PIK3R4: variants seen among roughly 807,000 people sequenced by gnomAD.
The protein encoded by PIK3R4 is phosphoinositide-3-kinase regulatory subunit 4, also known as phosphoinositide 3-kinase regulatory subunit 4.
In PIK3R4, 46 loss-of-function variants were observed where a neutral mutation model predicts 136.5. The ratio of observed to expected loss-of-function variants is 0.34; its 90% CI spans 0.27 to 0.43. The LOEUF is 0.43. PIK3R4 is among the 20% of genes least tolerant of loss of function. The pLI, the probability that PIK3R4 is intolerant of heterozygous loss-of-function variation, is 1.00. For synonymous variants in PIK3R4, 557 were observed against 566.7 expected, an observed-to-expected ratio of 0.98 and a Z score of 0.24; for missense variants, 1,331 against 1,649.5, an observed-to-expected ratio of 0.81 and a Z score of 3.35.
chr3:130,728,311 T>C (rs368685968), intron 6 of PIK3R4, 152 bp downstream of exon 6: 37 of 595,896 alleles, frequency 6.2e-5, no homozygotes, highest in East Asian at 3.5e-4. Context: ...CCAAAATACT[T>C]ACATCATCCA....
intron 6 of PIK3R4, among the ~76,000 whole-genome samples, chr3:130,725,045 ATTATG>A (rs542129404): frequency 2.6e-5 from 4 of 152,056 alleles, no homozygotes; most frequent in South Asian, 2.1e-4. Flanking sequence ...TGATTAAAAA[ATTATG>A]TTATAATTGT....
At chr3:130,729,051 A>T (rs1236160681) in intron 5 of PIK3R4, among the ~76,000 whole-genome samples, 2 of 152,236 alleles carry the variant, frequency 1.3e-5, no homozygotes. Flanking sequence ...GAATAGGATT[A>T]GGATATAATA....
In PIK3R4 at chr3:130,739,178, G is replaced by A. The variant is rs190600087; in HGVS notation, c.734-3176C>T. Among the ~76,000 whole-genome samples the A allele has an allele frequency of 9.0e-3, 1,369 of 152,294 alleles. 19 individuals carry two copies. Among genetic ancestry groups the A allele is most frequent in the East Asian group, 0.052 (272 of 5,190 alleles). On this transcript the variant is annotated intron_variant, in intron 2 of 19. Transcript: ENST00000356763. ...TGCAAGCTCCGCCTCCCTGGTTCAC[G>A]CCATTCTCCTGCCTCAGCCTCCCGA...
At chr3:130,680,912 CCATCAGTATCTATAATAACAGCTTG>C in intron 18 of PIK3R4, 40 bp downstream of exon 18, 1 of 835,572 alleles carries the variant, frequency 1.2e-6, no homozygotes, top group Non-Finnish European at 2.0e-6. Flanking sequence ...CATTACAGTG[CCATCAGTATCTATAATAACAGCTTG>C]TAAAAGTATC....
intron 7 of PIK3R4, among the ~76,000 whole-genome samples, chr3:130,719,493 G>A (rs949592704): frequency 6.6e-6 from 1 of 152,052 alleles, no homozygotes; most frequent in Non-Finnish European, 1.5e-5. Context: ...CCAAGGTCTC[G>A]CATTTCTAAT....
At chr3:130,706,922 G>A (rs1197996073) in intron 11 of PIK3R4, 26 bp downstream of exon 11, 1 of 1,566,752 alleles carries the variant, frequency 6.4e-7, no homozygotes, top group African/African-American at 1.4e-5. Context: ...GACATTAGGA[G>A]GACTACTGAC....
chr3:130,738,875 C>T (rs1178100664), intron 2 of PIK3R4, among the ~76,000 whole-genome samples: 1 of 151,952 alleles, frequency 6.6e-6, no homozygotes, highest in Non-Finnish European at 1.5e-5. Context: ...ATAAATGGGG[C>T]AAAACAGAGG....
rs139814973 is a variant in PIK3R4 at position 130,690,711 on chromosome 3, T to C, written c.3099-57A>G. The C allele has an allele frequency of 1.3e-3, 1,461 of 1,084,322 alleles. 16 individuals carry two copies. The African/African-American group carries it at 0.021, about 15-fold the overall frequency. The allele number at this position is 1,084,322 out of a possible 1,614,324, so 67.2% of individuals were successfully genotyped here. A position where few individuals can be genotyped will look rare whatever the true frequency, so the allele number is the denominator to read the frequency against. ...AACCAATGTCACTGCTAATGTTAAA[T>C]ATCCACATGGCCATTAGCAAGCAAA... is the stretch of plus-strand genomic sequence containing the variant. On this transcript the variant is annotated intron_variant, in intron 13 of 19. Coordinates refer to ENST00000356763, the MANE Select transcript of PIK3R4 (RefSeq NM_014602.3).
chr3:130,708,812 G>C (rs1277785713), intron 9 of PIK3R4, among the ~76,000 whole-genome samples: 2 of 152,052 alleles, frequency 1.3e-5, no homozygotes, highest in African/African-American at 4.8e-5. Flanking sequence ...ATATCTAGTA[G>C]TATTTAAAAT....
intron 8 of PIK3R4, 29 bp downstream of exon 8, chr3:130,718,360 A>G (rs1030472838): frequency 6.9e-6 from 11 of 1,593,290 alleles, no homozygotes; most frequent in Non-Finnish European, 9.4e-6. Flanking sequence ...TTTGGAGGAA[A>G]GACTGACTCC....
At position 130,705,660 on chromosome 3, in the gene PIK3R4, G is replaced by T. The variant is rs1291884802; in HGVS notation, c.2833C>A (p.Gln945Lys). ...IRITTCKTEL[Q>K]QLIQQKREQC... The stretch of plus-strand genomic sequence containing the variant: ...TCCCGCTTTTGCTGGATGAGTTGCT[G>T]AAGTTCAGTTTTACAAGTTGTAATT... The change falls in exon 12 of 20, where the codon CAG becomes AAG. Residue 945 changes from glutamine to lysine, a missense_variant. Gln to Lys is a moderately conservative substitution (Grantham distance 53). Around this residue, in one of 2 missense-constraint regions of PIK3R4, gnomAD observed 1,180 missense variants for 1,407.0 expected, o/e 0.84. Coordinates refer to ENST00000356763, the MANE Select transcript of PIK3R4 (RefSeq NM_014602.3). 5 of 1,613,140 alleles carry T rather than the reference G, an allele frequency of 3.1e-6. No individual in the cohort carries two copies. The highest frequency in any genetic ancestry group is 4.2e-6 in the Non-Finnish European group (5 of 1,179,118).
intron 3 of PIK3R4, among the ~76,000 whole-genome samples, chr3:130,735,190 T>A (rs1353204411): frequency 6.6e-6 from 1 of 152,136 alleles, no homozygotes; most frequent in Non-Finnish European, 1.5e-5. Flanking sequence ...TTAAGAGAAA[T>A]TAAAATGTAT....
Position 130,690,513 on chromosome 3 carries a change from A to G in PIK3R4, c.3240T>C (p.Pro1080=), listed in dbSNP as rs760798247. ...GIEASKLPKS[P]KIHPLQSRIL... ...ACCTGCTTTGTAGAGGATGGATTTT[A>G]GGAGACTTGGGCAGCTTAGAAGCCT... The change falls in exon 14 of 20, where the codon CCT becomes CCC. Residue 1080 remains proline (P), a synonymous_variant. Transcript: ENST00000356763. The G allele has an allele frequency of 3.7e-6, 6 of 1,613,108 alleles. No individual in the cohort carries two copies. The highest frequency in any genetic ancestry group is 1.7e-6 in the Non-Finnish European group (2 of 1,179,452).
At chr3:130,739,211 G>A (rs1054541772) in intron 2 of PIK3R4, among the ~76,000 whole-genome samples, 2 of 152,170 alleles carry the variant, frequency 1.3e-5, no homozygotes, top group African/African-American at 4.8e-5. Context: ...CGAGTAGCTG[G>A]GACTACAGGC....
intron 14 of PIK3R4, among the ~76,000 whole-genome samples, chr3:130,686,816 A>G (rs1370179728): frequency 1.3e-5 from 2 of 152,162 alleles, no homozygotes; most frequent in African/African-American, 2.4e-5. Context: ...ATTTCTTCCA[A>G]TCTGTGACAG....
rs1037348808 is a variant in PIK3R4 at position 130,723,529 on chromosome 3, T to C, written c.1866A>G (p.Gln622=). Reference sequence around the variant, plus strand: ...CAAATTCCTCAGCATCACTAAGACCTTGTTGCAGCAGAGGCTTGAGAATTG... The same window carrying C: ...CAAATTCCTCAGCATCACTAAGACCCTGTTGCAGCAGAGGCTTGAGAATTG... ...SSSILKPLLQ[Q]GLSDAEEFVI... Residue 622 remains glutamine, a synonymous_variant, in exon 7 of 20, where the codon CAA becomes CAG. Coordinates refer to ENST00000356763, the MANE Select transcript of PIK3R4 (RefSeq NM_014602.3). 5 of 1,613,942 alleles carry C rather than the reference T, an allele frequency of 3.1e-6. No individual in the cohort carries two copies. The African/African-American group carries it at 6.7e-5, about 22-fold the overall frequency.
At chr3:130,691,637 G>A (rs911423508) in intron 13 of PIK3R4, among the ~76,000 whole-genome samples, 4 of 151,892 alleles carry the variant, frequency 2.6e-5, no homozygotes, top group Admixed American at 6.6e-5. Context: ...CCTGAACACC[G>A]AACACATTCA....
chr3:130,744,610 A>T lies in PIK3R4; in HGVS notation c.609T>A (p.Val203=), dbSNP rs2066842680. 1.2e-6 allele frequency: 2 copies of T among 1,614,126 alleles called. No homozygotes were observed. The highest frequency in any genetic ancestry group is 2.7e-5 in the African/African-American group (2 of 74,932). ...RTCYIAPERF[V]DGGMFATELE... is the part of the protein sequence containing the mutation. ...ACTCAGTGGCAAACATCCCACCATCAACAAAACGTTCAGGAGCAATATAGC... is the reference window on the plus strand; with the variant it reads ...ACTCAGTGGCAAACATCCCACCATCTACAAAACGTTCAGGAGCAATATAGC... The change falls in exon 2 of 20, where the codon GTT becomes GTA. Residue 203 remains valine, a synonymous_variant. Transcript: ENST00000356763.
At chr3:130,703,195 C>T (rs1442829510) in intron 13 of PIK3R4, among the ~76,000 whole-genome samples, 1 of 152,174 alleles carries the variant, frequency 6.6e-6, no homozygotes, top group Non-Finnish European at 1.5e-5. Context: ...TTTACAACAG[C>T]CTACAAAGCC....
Sources: allele counts gnomAD v4.1 joint callset (sites outside exome capture counted in the v4.1 genomes callset), GRCh38; gene constraint gnomAD v4.1.1; regional missense constraint gnomAD v4.1.1; transcripts MANE v1.5; gene names NCBI Gene and HGNC (gene_info 2026-07-23, HGNC 2026-07-21).